The following WDFY4 variants were observed in gnomAD, a reference collection of about 807,000 sequenced individuals.
WDFY4 encodes the protein WDFY family member 4.
WDFY4 carries 169 observed loss-of-function variants against 351.9 expected under a neutral mutation model. That is an observed-to-expected ratio of 0.48 (90% CI 0.42 to 0.55). The LOEUF (loss-of-function observed/expected upper bound fraction) is 0.55, where lower values mean the gene tolerates loss of function less well. WDFY4 is among the 20% of genes least tolerant of loss of function. The pLI is 0.00. For missense variants in WDFY4, 3,803 were observed against 3,935.6 expected (o/e 0.97, Z 0.90); for synonymous variants, 1,622 against 1,574.6 (o/e 1.03, Z -0.71).
intron 32 of WDFY4, among the ~76,000 whole-genome samples, chr10:48,818,259 T>C (rs2067690847): frequency 1.3e-5 from 2 of 152,206 alleles, no homozygotes; most frequent in Non-Finnish European, 2.9e-5. Flanking sequence ...AGGTGAGCAA[T>C]GCTACATAGG....
chr10:48,916,438 G>C (rs1838541181), intron 47 of WDFY4, among the ~76,000 whole-genome samples: 1 of 152,130 alleles, frequency 6.6e-6, no homozygotes, highest in South Asian at 2.1e-4. Flanking sequence ...TGTATCCCTG[G>C]AGTCATCCAG....
At chr10:48,825,429 T>C (rs2067961054) in intron 35 of WDFY4, among the ~76,000 whole-genome samples, 1 of 152,212 alleles carries the variant, frequency 6.6e-6, no homozygotes, top group Non-Finnish European at 1.5e-5. Context: ...TACGCGTGCA[T>C]GTATTTTTGT....
chr10:48,872,910 G>C (rs2069839119), intron 40 of WDFY4, among the ~76,000 whole-genome samples: 1 of 152,178 alleles, frequency 6.6e-6, no homozygotes, highest in African/African-American at 2.4e-5. Context: ...GGATTGAAAG[G>C]CCCTTAGACA....
In WDFY4 at chr10:48,937,000, A is replaced by G. The variant is rs1240093106; in HGVS notation, c.7587-4806A>G. Among the ~76,000 whole-genome samples, 11 of 151,660 alleles carry G rather than the reference A, an allele frequency of 7.3e-5. No homozygotes were observed. The South Asian group carries it at 8.3e-4, about 12-fold the overall frequency. On this transcript the variant is annotated intron_variant, in intron 47 of 61. Transcript: ENST00000325239. ...AGTGGCACGACCTCGGCTCACTGCAAACTTCACCTCCCGGGTTCGAGTAGC... is the reference window on the plus strand; with the variant it reads ...AGTGGCACGACCTCGGCTCACTGCAGACTTCACCTCCCGGGTTCGAGTAGC...
intron 4 of WDFY4, 28 bp downstream of exon 4, chr10:48,721,395 C>T: frequency 1.3e-6 from 2 of 1,545,854 alleles, no homozygotes; most frequent in South Asian, 1.2e-5. Context: ...AGCCTCTGCC[C>T]TGGGCACTGC....
intron 47 of WDFY4, among the ~76,000 whole-genome samples, chr10:48,914,767 C>T (rs1838350554): frequency 6.6e-6 from 1 of 152,144 alleles, no homozygotes; most frequent in South Asian, 2.1e-4. Flanking sequence ...GGCTACAGTC[C>T]AACAGTAGCC....
chr10:48,827,976 T>C (rs933478298), intron 36 of WDFY4, among the ~76,000 whole-genome samples: 13 of 151,980 alleles, frequency 8.6e-5, no homozygotes, highest in African/African-American at 3.1e-4. Context: ...ACAACTGAAT[T>C]ATATGCTTGA....
chr10:48,805,229 GC>G, intron 25 of WDFY4, 30 bp from the exon 26 acceptor site: 1 of 1,526,384 alleles, frequency 6.6e-7, no homozygotes, highest in African/African-American at 1.4e-5. Context: ...TCCAGTAAAA[GC>G]TTTTACTGTC....
intron 35 of WDFY4, chr10:48,823,622 C>G: frequency 9.8e-7 from 1 of 1,015,988 alleles, no homozygotes; most frequent in Non-Finnish European, 1.2e-6. Context: ...CTTGTCAGCT[C>G]TGTGAGGGTT....
At chr10:48,924,468 G>GT (rs529754483) in intron 47 of WDFY4, among the ~76,000 whole-genome samples, 213 of 152,340 alleles carry the variant, frequency 1.4e-3, no homozygotes, top group Non-Finnish European at 2.5e-3. Flanking sequence ...GGAGAAAGAT[G>GT]TAAGTAGATA....
intron 43 of WDFY4, among the ~76,000 whole-genome samples, chr10:48,885,785 C>T (rs1211454000): frequency 2.0e-5 from 3 of 152,012 alleles, no homozygotes; most frequent in South Asian, 2.1e-4. Context: ...TAGATAGCAT[C>T]TCCTTATTGT....
At chr10:48,913,504 G>T (rs201494402) in intron 47 of WDFY4, 1 of 1,613,608 alleles carries the variant, frequency 6.2e-7, no homozygotes, top group Non-Finnish European at 8.5e-7. Flanking sequence ...AGGTTGTCCC[G>T]GGCGTTTTGG....
At chr10:48,864,260 A>G (rs2069454966) in intron 39 of WDFY4, among the ~76,000 whole-genome samples, 1 of 152,148 alleles carries the variant, frequency 6.6e-6, no homozygotes, top group African/African-American at 2.4e-5. Flanking sequence ...TAATTTTTGT[A>G]TGTTATGCAG....
At chr10:48,880,953 GC>G (rs1216236453) in intron 43 of WDFY4, among the ~76,000 whole-genome samples, 1 of 152,170 alleles carries the variant, frequency 6.6e-6, no homozygotes, top group Non-Finnish European at 1.5e-5. Flanking sequence ...TAAAAACCCT[GC>G]CCAATTCTAA....
chr10:48,725,801 G>C, intron 5 of WDFY4, 80 bp from the exon 6 acceptor site: 1 of 1,367,772 alleles, frequency 7.3e-7, no homozygotes. Context: ...CAGTGCTCCA[G>C]AGAAGTAGGG....
At chr10:48,978,700 G>A (rs553895490) in intron 60 of WDFY4, 7 of 275,130 alleles carry the variant, frequency 2.5e-5, no homozygotes, top group African/African-American at 1.1e-4. Flanking sequence ...AGCTGTTACC[G>A]CATCACATCC....
At chr10:48,903,343 A>G (rs1283695375) in intron 47 of WDFY4, among the ~76,000 whole-genome samples, 2 of 152,188 alleles carry the variant, frequency 1.3e-5, no homozygotes, top group African/African-American at 4.8e-5. Flanking sequence ...GAACTGACAT[A>G]TTAATAAGAA....
chr10:48,965,321 A>G (rs1232603775), intron 54 of WDFY4, among the ~76,000 whole-genome samples: 1 of 152,164 alleles, frequency 6.6e-6, no homozygotes, highest in Non-Finnish European at 1.5e-5. Context: ...AGCCATCAGA[A>G]TGAGAATCCC....
chr10:48,789,851 C>T (rs1376399246), intron 21 of WDFY4, 23 bp from the exon 22 acceptor site: 21 of 1,550,058 alleles, frequency 1.4e-5, no homozygotes, highest in African/African-American at 2.7e-5. Flanking sequence ...TTTCTTAGGA[C>T]TAATTGCTGC....
Sources: gnomAD v4.1 joint callset for allele counts (sites outside exome capture counted in the v4.1 genomes callset) on GRCh38, gnomAD v4.1.1 for gene constraint, MANE v1.5 for transcripts, NCBI Gene and HGNC (gene_info 2026-07-23, HGNC 2026-07-21) for gene names.